The following RFFL variants were observed in gnomAD, a reference collection of about 807,000 sequenced individuals.
The protein encoded by RFFL is ring finger and FYVE like domain containing E3 ubiquitin protein ligase, also known as E3 ubiquitin-protein ligase rififylin.
In RFFL, 16 loss-of-function variants were observed where a neutral mutation model predicts 40.4. The ratio of observed to expected loss-of-function variants is 0.40; its 90% CI spans 0.27 to 0.60. The LOEUF is 0.60. Ranked by LOEUF, RFFL falls within the 20% of genes least tolerant of loss-of-function variation. The pLI, the probability that RFFL is intolerant of heterozygous loss-of-function variation, is 0.47. For missense variants in RFFL, 367 were observed against 451.7 expected, an observed-to-expected ratio of 0.81 and a Z score of 1.70; for synonymous variants, 154 against 167.9, an observed-to-expected ratio of 0.92 and a Z score of 0.64.
At chr17:35,029,798 G>A (rs1439490771) in intron 1 of RFFL, among the ~76,000 whole-genome samples, 7 of 150,906 alleles carry the variant, frequency 4.6e-5, no homozygotes, top group Non-Finnish European at 7.4e-5. Flanking sequence ...CCATTAACTC[G>A]TTATTTAGCA....
At chr17:35,057,049 C>T (rs184293560) in intron 1 of RFFL, among the ~76,000 whole-genome samples, 1 of 150,564 alleles carries the variant, frequency 6.6e-6, no homozygotes, top group Admixed American at 6.6e-5. Context: ...CCGAGTAGCA[C>T]GGATTACAGG....
At chr17:35,027,367 G>A (rs2091048760) in intron 1 of RFFL, among the ~76,000 whole-genome samples, 1 of 152,154 alleles carries the variant, frequency 6.6e-6, no homozygotes, top group South Asian at 2.1e-4. Flanking sequence ...TAGCACTGTT[G>A]TCCATGTAGA....
At chr17:35,084,757 G>A (rs1163638337) in intron 1 of RFFL, among the ~76,000 whole-genome samples, 1 of 151,558 alleles carries the variant, frequency 6.6e-6, no homozygotes, top group Non-Finnish European at 1.5e-5. Flanking sequence ...TTAGCTGGGT[G>A]TGGTGGTGGG....
chr17:35,057,601 A>ATC (rs2091268568), intron 1 of RFFL, among the ~76,000 whole-genome samples: 1 of 149,952 alleles, frequency 6.7e-6, no homozygotes, highest in South Asian at 2.1e-4. Flanking sequence ...TCTGGAATCA[A>ATC]TCTCACCCTT....
At position 35,086,625 on chromosome 17, in the gene RFFL, A is replaced by G. The variant is rs570263126; in HGVS notation, c.-9+2480T>C. Among the ~76,000 whole-genome samples the G allele has an allele frequency of 1.4e-4, 21 of 152,358 alleles. No individual in the cohort carries two copies. The South Asian group carries it at 4.3e-3, about 32-fold the overall frequency. ...AGTAACCATTACCAAACAACAATGAAGCAGCTCCTCACTTGAGACTTCACC... is the reference window on the plus strand; with the variant it reads ...AGTAACCATTACCAAACAACAATGAGGCAGCTCCTCACTTGAGACTTCACC... On this transcript the variant is annotated intron_variant, in intron 1 of 6. Coordinates refer to the RFFL transcript ENST00000315249.
intron 1 of RFFL, among the ~76,000 whole-genome samples, chr17:35,038,308 G>T (rs191227049): frequency 1.4e-5 from 2 of 143,778 alleles, no homozygotes; most frequent in African/African-American, 5.2e-5. Flanking sequence ...AAAAAAAAAG[G>T]AAAAAAGAGC....
intron 1 of RFFL, among the ~76,000 whole-genome samples, chr17:35,053,536 C>T (rs1257256155): frequency 6.6e-6 from 1 of 152,096 alleles, no homozygotes; most frequent in Non-Finnish European, 1.5e-5. Context: ...GGGGTAGGGG[C>T]TCTTAGGGGC....
At chr17:35,050,432 G>A (rs1300429987) in intron 1 of RFFL, among the ~76,000 whole-genome samples, 2 of 152,056 alleles carry the variant, frequency 1.3e-5, no homozygotes, top group Non-Finnish European at 2.9e-5. Context: ...TGCACTCTTG[G>A]CTCATTGCTG....
intron 1 of RFFL, chr17:35,042,448 C>T (rs1056623734): frequency 6.6e-6 from 1 of 152,206 alleles, no homozygotes; most frequent in Non-Finnish European, 1.5e-5. Context: ...AACCATACTA[C>T]TAACTGGTCT....
chr17:35,032,057 T>C (rs948598206), intron 1 of RFFL, among the ~76,000 whole-genome samples: 4 of 144,622 alleles, frequency 2.8e-5, no homozygotes, highest in Non-Finnish European at 4.5e-5. Context: ...ATCGCGCCAC[T>C]GCACTCCAGC....
intron 1 of RFFL, among the ~76,000 whole-genome samples, chr17:35,048,345 T>G (rs559095579): frequency 1.4e-3 from 217 of 151,884 alleles, no homozygotes; most frequent in African/African-American, 5.0e-3. Flanking sequence ...GAGCTTGCAG[T>G]GAGCCGAGAT....
At chr17:35,080,214 A>G (rs980907454) in intron 1 of RFFL, among the ~76,000 whole-genome samples, 20 of 152,186 alleles carry the variant, frequency 1.3e-4, no homozygotes, top group African/African-American at 4.8e-4. Flanking sequence ...AATAATTAGT[A>G]TAGTTAAGAT....
intron 1 of RFFL, among the ~76,000 whole-genome samples, chr17:35,085,654 C>G (rs1296773324): frequency 6.6e-6 from 1 of 152,204 alleles, no homozygotes; most frequent in Non-Finnish European, 1.5e-5. Flanking sequence ...GTCTCTAACT[C>G]CTGATCTCAG....
intron 1 of RFFL, among the ~76,000 whole-genome samples, chr17:35,039,683 C>CT (rs905514540): frequency 9.0e-4 from 132 of 146,896 alleles, no homozygotes; most frequent in Admixed American, 8.8e-4. Flanking sequence ...TTTGACTCCA[C>CT]TTTTTTTTTT....
At chr17:35,021,303 A>T (rs905916265) in intron 3 of RFFL, 68 bp downstream of exon 3, 2 of 1,439,202 alleles carry the variant, frequency 1.4e-6, no homozygotes, top group Non-Finnish European at 1.9e-6. Flanking sequence ...CAACAAAGGC[A>T]GGAGAGGAAA....
chr17:35,046,852 G>A (rs1313436184), intron 1 of RFFL, among the ~76,000 whole-genome samples: 1 of 152,220 alleles, frequency 6.6e-6, no homozygotes, highest in Non-Finnish European at 1.5e-5. Flanking sequence ...GTTTAGGAGA[G>A]ATGACAGATT....
intron 1 of RFFL, among the ~76,000 whole-genome samples, chr17:35,086,214 G>A (rs182991352): frequency 1.3e-5 from 2 of 152,294 alleles, no homozygotes; most frequent in Admixed American, 1.3e-4. Context: ...GCTGGGCACA[G>A]TGGCTCACAC....
chr17:35,021,673 G>C lies in RFFL; in HGVS notation c.289C>G (p.Gln97Glu). Residue 97 changes from glutamine (Q) to glutamate (E), a missense_variant, in exon 3 of 7, where the codon CAG (glutamine) becomes GAG (glutamate). Transcript: ENST00000394597. ...TTCATCTTCATGAGCTCCTCTCGCT[G>C]AAAGGCTGTAGCTCGAAACCGTTGG... ...LCQRFRATAF[Q>E]REELMKMKVK... 6.2e-7 allele frequency: 1 copy of C among 1,614,246 alleles called. No homozygotes were observed. Among genetic ancestry groups the C allele is most frequent in the Non-Finnish European group, 8.5e-7 (1 of 1,180,048 alleles).
At chr17:35,087,076 C>G (rs2091434203) in intron 1 of RFFL, among the ~76,000 whole-genome samples, 1 of 152,120 alleles carries the variant, frequency 6.6e-6, no homozygotes, top group South Asian at 2.1e-4. Flanking sequence ...AAGAGGTGTT[C>G]CGGCCTGGCG....
Sources: allele counts gnomAD v4.1 joint callset (sites outside exome capture counted in the v4.1 genomes callset), GRCh38; gene constraint gnomAD v4.1.1; transcripts MANE v1.5; gene names NCBI Gene and HGNC (gene_info 2026-07-23, HGNC 2026-07-21).